Variants in RBBP8 observed in about 807,000 individuals in gnomAD.
RBBP8 encodes RB binding protein 8, endonuclease.
RBBP8 carries 88 observed loss-of-function variants against 108.3 expected under a neutral mutation model. The observed-to-expected ratio is 0.81, with a 90% CI of 0.68 to 0.97. RBBP8 has a LOEUF of 0.97. Among genes scored for constraint, RBBP8 ranks in the 50% least tolerant of loss-of-function variants. The pLI is 0.00. For synonymous variants in RBBP8, 332 were observed against 348.2 expected, an observed-to-expected ratio of 0.95 and a Z score of 0.52; for missense variants, 1,023 against 1,049.0, an observed-to-expected ratio of 0.98 and a Z score of 0.34.
At chr18:22,997,500 A>G (rs2045879877) in intron 13 of RBBP8, 120 bp from the exon 14 acceptor site, 2 of 709,204 alleles carry the variant, frequency 2.8e-6, no homozygotes, top group African/African-American at 1.8e-5. Flanking sequence ...ATATAGCTTA[A>G]TGCTTAAAAG....
intron 4 of RBBP8, among the ~76,000 whole-genome samples, chr18:22,955,989 A>G (rs1359127907): frequency 6.6e-6 from 1 of 152,208 alleles, no homozygotes; most frequent in Non-Finnish European, 1.5e-5. Context: ...TACATCTTAA[A>G]TGATCATCTC....
chr18:22,984,435 G>A (rs1915176022), intron 7 of RBBP8, among the ~76,000 whole-genome samples: 1 of 152,154 alleles, frequency 6.6e-6, no homozygotes, highest in South Asian at 2.1e-4. Context: ...CCAGGGTGGA[G>A]TACTGTGGTG....
intron 2 of RBBP8, 49 bp downstream of exon 2, chr18:22,937,009 G>A (rs1189228111): frequency 6.2e-7 from 1 of 1,609,242 alleles, no homozygotes; most frequent in Non-Finnish European, 8.5e-7. Context: ...TGAGACTGTA[G>A]TGGCTTTGTA....
chr18:22,998,004 A>G (rs535346231), intron 14 of RBBP8, among the ~76,000 whole-genome samples: 1 of 152,308 alleles, frequency 6.6e-6, no homozygotes, highest in East Asian at 1.9e-4. Flanking sequence ...ATAAAGTTCT[A>G]CCAGAGCACA....
At chr18:22,945,593 G>A (rs1911489225) in intron 2 of RBBP8, among the ~76,000 whole-genome samples, 1 of 151,916 alleles carries the variant, frequency 6.6e-6, no homozygotes, top group South Asian at 2.1e-4. Flanking sequence ...ACGTTGATCG[G>A]GCTGGTCTCG....
intron 17 of RBBP8, among the ~76,000 whole-genome samples, chr18:23,020,057 C>T (rs143707732): frequency 0.024 from 3,625 of 151,794 alleles, 60 homozygotes; most frequent in Middle Eastern, 0.042. Flanking sequence ...CCACTGCACC[C>T]GGCCAACATT....
At chr18:22,916,723 T>C (rs909525907) in intron 2 of RBBP8, among the ~76,000 whole-genome samples, 3 of 152,146 alleles carry the variant, frequency 2.0e-5, no homozygotes, top group African/African-American at 7.2e-5. Context: ...CTTAATGCCA[T>C]CATATTATTT....
At chr18:22,935,617 C>A (rs1188289660) in intron 1 of RBBP8, among the ~76,000 whole-genome samples, 1 of 152,144 alleles carries the variant, frequency 6.6e-6, no homozygotes, top group Non-Finnish European at 1.5e-5. Context: ...TCAGAGACCT[C>A]AGGAAATGGT....
intron 16 of RBBP8, among the ~76,000 whole-genome samples, chr18:23,012,208 C>CAAAAAAAA (rs56096515): frequency 9.1e-6 from 1 of 109,612 alleles, no homozygotes; most frequent in South Asian, 2.9e-4. Flanking sequence ...ATGCTGTCTC[C>CAAAAAAAA]AAAAAAAAAA....
chr18:22,957,291 C>CTTTTTTTTTTTTTTTTTT (rs11418623), intron 4 of RBBP8, among the ~76,000 whole-genome samples: 12 of 92,832 alleles, frequency 1.3e-4, no homozygotes, highest in Admixed American at 4.4e-4. Flanking sequence ...ATTACTTTTT[C>CTTTTTTTTTTTTTTTTTT]TTTTTTTTTT....
chr18:22,985,162 A>G (rs913968169), intron 8 of RBBP8, 172 bp downstream of exon 8: 20 of 393,720 alleles, frequency 5.1e-5, no homozygotes, highest in Admixed American at 2.6e-4. Context: ...TCCTATTCAT[A>G]TAAATATCCC....
chr18:22,979,200 G>T (rs71358500), intron 6 of RBBP8, among the ~76,000 whole-genome samples: 1,934 of 152,334 alleles, frequency 0.013, 31 homozygotes, highest in East Asian at 0.062. Context: ...ACCTGGCAGA[G>T]GTTGCAGTGC....
At position 22,965,885 on chromosome 18, in the gene RBBP8, A is replaced by G. The variant is rs111477935; in HGVS notation, c.249-2921A>G. 1.6e-4 allele frequency among the ~76,000 whole-genome samples: 24 copies of G among 152,322 alleles called. No homozygotes were observed. The East Asian group carries it at 1.9e-3, about 12-fold the overall frequency. Reference sequence around the variant, plus strand: ...AATTGTTCTAAATCTGCACTGTTCAATATGGTAGCAAGTAGACATGTGGCT... The same window carrying G: ...AATTGTTCTAAATCTGCACTGTTCAGTATGGTAGCAAGTAGACATGTGGCT... On this transcript the variant is annotated intron_variant, in intron 4 of 18. Coordinates refer to ENST00000327155, the MANE Select transcript of RBBP8 (RefSeq NM_002894.3).
Position 22,982,390 on chromosome 18 carries a change from A to G in RBBP8, c.601A>G (p.Asn201Asp). ...HTKLEHSVCA[N>D]EMRKVSKSST... is the part of the protein sequence containing the mutation. Reference sequence around the variant, plus strand: ...TAAATTGGAGCACTCTGTGTGTGCAAATGGTAAGAGTTGGAGTTGTATTTT... The same window carrying G: ...TAAATTGGAGCACTCTGTGTGTGCAGATGGTAAGAGTTGGAGTTGTATTTT... Residue 201 changes from asparagine (N) to aspartate (D), a missense_variant, in exon 7 of 19, where the codon AAT (asparagine) becomes GAT (aspartate). Physicochemically the swap from Asn to Asp is conservative, Grantham distance 23. Coordinates refer to ENST00000327155, the MANE Select transcript of RBBP8 (RefSeq NM_002894.3). 6.2e-7 allele frequency: 1 copy of G among 1,613,948 alleles called. No homozygotes were observed. The highest frequency in any genetic ancestry group is 8.5e-7 in the Non-Finnish European group (1 of 1,179,940).
intron 16 of RBBP8, among the ~76,000 whole-genome samples, chr18:23,009,254 A>G (rs1358541418): frequency 1.3e-5 from 2 of 152,082 alleles, no homozygotes; most frequent in African/African-American, 4.8e-5. Flanking sequence ...ATTCCACAAT[A>G]CACATAAAGC....
chr18:22,990,542 A>G (rs1041120554), intron 9 of RBBP8, among the ~76,000 whole-genome samples: 1 of 152,180 alleles, frequency 6.6e-6, no homozygotes, highest in Non-Finnish European at 1.5e-5. Flanking sequence ...GGTGAAATTA[A>G]CATAACATAA....
At chr18:22,981,336 A>G (rs1165972679) in intron 6 of RBBP8, among the ~76,000 whole-genome samples, 1 of 152,074 alleles carries the variant, frequency 6.6e-6, no homozygotes, top group South Asian at 2.1e-4. Context: ...GGCCTAGATA[A>G]AAGCAGTAAC....
intron 1 of RBBP8, among the ~76,000 whole-genome samples, chr18:22,936,178 T>C (rs115187653): frequency 6.6e-6 from 1 of 152,132 alleles, no homozygotes; most frequent in African/African-American, 2.4e-5. Flanking sequence ...CTCCGCTCAC[T>C]GCAAATTCCG....
In RBBP8 at chr18:22,993,386, C is replaced by G. The variant is rs1484989440; in HGVS notation, c.1559C>G (p.Thr520Ser). The stretch of plus-strand genomic sequence containing the variant: ...TCTAAAAACAAATTTAGGCAAGTGA[C>G]TCTTTATGAGGCTTTGAAGACCATT... Reference protein sequence around the residue: ...ETSKNKFRQVTLYEALKTIPK... With the variant: ...ETSKNKFRQVSLYEALKTIPK... Residue 520 changes from threonine to serine, a missense_variant, in exon 11 of 19, where the codon ACT becomes AGT. Transcript: ENST00000327155. The G allele has an allele frequency of 6.2e-7, 1 of 1,614,212 alleles. No individual in the cohort carries two copies. Among genetic ancestry groups the G allele is most frequent in the East Asian group, 2.2e-5 (1 of 44,892 alleles).
Sources: allele counts gnomAD v4.1 joint callset (sites outside exome capture counted in the v4.1 genomes callset), GRCh38; gene constraint gnomAD v4.1.1; transcripts MANE v1.5; gene names NCBI Gene and HGNC (gene_info 2026-07-23, HGNC 2026-07-21).